Variants in MIS18A observed in about 807,000 individuals in gnomAD.
MIS18A encodes protein Mis18-alpha.
In MIS18A, 14 loss-of-function variants were observed where a neutral mutation model predicts 25.0. That is an observed-to-expected ratio of 0.56 (90% CI 0.37 to 0.88). The LOEUF (loss-of-function observed/expected upper bound fraction) is 0.88, where lower values mean the gene tolerates loss of function less well. MIS18A is among the 40% of genes least tolerant of loss of function. The probability of loss-of-function intolerance (pLI) is 0.00; values close to 1 mark genes in which losing one functional copy is unlikely to be tolerated. For missense variants in MIS18A, 292 were observed against 290.8 expected, an observed-to-expected ratio of 1.00 and a Z score of -0.03; for synonymous variants, 134 against 118.6, an observed-to-expected ratio of 1.13 and a Z score of -0.84.
At chr21:32,244,276 A>G in the MIS18A span, among the ~76,000 whole-genome samples, 4 of 152,196 alleles carry the variant, frequency 2.6e-5, no homozygotes, top group African/African-American at 7.2e-5. Context: ...AATTGACTCC[A>G]AAAGGGCACA....
chr21:32,241,984 C>T, the MIS18A span, among the ~76,000 whole-genome samples: 4 of 152,022 alleles, frequency 2.6e-5, no homozygotes, highest in African/African-American at 9.7e-5. Context: ...GTTCACGCCA[C>T]TCTCCTGCCT....
At chr21:32,195,981 C>T in the MIS18A span, among the ~76,000 whole-genome samples, 1 of 151,876 alleles carries the variant, frequency 6.6e-6, no homozygotes, top group African/African-American at 2.4e-5. Context: ...GATTGTTCCA[C>T]TGCACTCCAG....
the MIS18A span, among the ~76,000 whole-genome samples, chr21:32,163,927 A>G: frequency 1.3e-5 from 2 of 152,160 alleles, no homozygotes; most frequent in South Asian, 2.1e-4. Flanking sequence ...GTTTCTGGTG[A>G]GGCCTCAGGA....
the MIS18A span, among the ~76,000 whole-genome samples, chr21:32,226,882 A>T: frequency 1.1e-4 from 17 of 152,174 alleles, no homozygotes; most frequent in Non-Finnish European, 1.5e-4. Flanking sequence ...AAATACACAA[A>T]ATATGTTCTC....
the MIS18A span, among the ~76,000 whole-genome samples, chr21:32,211,226 A>T: frequency 6.6e-6 from 1 of 152,170 alleles, no homozygotes; most frequent in African/African-American, 2.4e-5. Flanking sequence ...TTTTTAGTAG[A>T]GATGGGGTTT....
chr21:32,160,649 CT>C, the MIS18A span, among the ~76,000 whole-genome samples: 43,832 of 144,148 alleles, frequency 0.3, 9,841 homozygotes, highest in African/African-American at 0.65. Flanking sequence ...TGGTTGCATT[CT>C]TTTTTTTTTT....
the MIS18A span, among the ~76,000 whole-genome samples, chr21:32,180,865 G>A: frequency 2.0e-5 from 3 of 152,164 alleles, no homozygotes; most frequent in Admixed American, 6.5e-5. Flanking sequence ...GGATCTTAGA[G>A]CAGGGGTCTA....
At chr21:32,188,565 G>T in the MIS18A span, among the ~76,000 whole-genome samples, 4 of 152,246 alleles carry the variant, frequency 2.6e-5, no homozygotes, top group Admixed American at 6.5e-5. Context: ...AAGAGAAAAT[G>T]AGGGTTATTC....
At chr21:32,172,922 G>C in the MIS18A span, among the ~76,000 whole-genome samples, 2 of 152,000 alleles carry the variant, frequency 1.3e-5, no homozygotes, top group Non-Finnish European at 2.9e-5. Flanking sequence ...ACAGAAGTTA[G>C]ATTCCAACCT....
At chr21:32,256,827 C>G in the MIS18A span, among the ~76,000 whole-genome samples, 20 of 152,152 alleles carry the variant, frequency 1.3e-4, no homozygotes, top group Non-Finnish European at 2.6e-4. Flanking sequence ...TTTCTTTTAA[C>G]CACCCATCTC....
the MIS18A span, among the ~76,000 whole-genome samples, chr21:32,174,459 T>C: frequency 6.6e-6 from 1 of 152,138 alleles, no homozygotes; most frequent in Non-Finnish European, 1.5e-5. Context: ...AGATGAACAC[T>C]ACCCATGGCA....
At chr21:32,218,115 C>T in the MIS18A span, among the ~76,000 whole-genome samples, 1 of 148,708 alleles carries the variant, frequency 6.7e-6, no homozygotes, top group Non-Finnish European at 1.5e-5. Flanking sequence ...ATGGCATGAA[C>T]CCAGGAGGCG....
At chr21:32,265,426 C>G (rs1471442481), downstream of MIS18A, among the ~76,000 whole-genome samples, 1 of 152,190 alleles carries the variant, frequency 6.6e-6, no homozygotes, top group Non-Finnish European at 1.5e-5. Context: ...GCACTTGGAG[C>G]AGCCAGCCAG....
the MIS18A span, among the ~76,000 whole-genome samples, chr21:32,263,198 A>G: frequency 2.3e-4 from 35 of 152,258 alleles, no homozygotes; most frequent in African/African-American, 8.4e-4. Flanking sequence ...AGAGCAAAAT[A>G]GATGTACATA....
the MIS18A span, among the ~76,000 whole-genome samples, chr21:32,220,799 G>A: frequency 6.6e-6 from 1 of 151,920 alleles, no homozygotes; most frequent in African/African-American, 2.4e-5. Context: ...ACATGATGGA[G>A]CTGAAAAACA....
the MIS18A span, among the ~76,000 whole-genome samples, chr21:32,216,194 T>G: frequency 6.6e-6 from 1 of 152,214 alleles, no homozygotes; most frequent in African/African-American, 2.4e-5. Flanking sequence ...TAGAAAGCTT[T>G]GTGGTATTTT....
At position 32,269,814 on chromosome 21, in the gene MIS18A, G is replaced by A; in HGVS notation, c.525-11C>T. The stretch of plus-strand genomic sequence containing the variant: ...GACCCTAAAACATAACTGAAGTACG[G>A]TACAAGGTTAAAATACAAGCTGGGT... On this transcript the variant is annotated splice_polypyrimidine_tract_variant and intron_variant, in intron 3 of 4. Coordinates refer to ENST00000290130, the MANE Select transcript of MIS18A (RefSeq NM_018944.3). The A allele has an allele frequency of 6.6e-7, 1 of 1,512,978 alleles. No homozygotes were observed. The highest frequency in any genetic ancestry group is 9.2e-7 in the Non-Finnish European group (1 of 1,088,432). The allele number at this position is 1,512,978 out of a possible 1,614,324, so 93.7% of individuals were successfully genotyped here.
chr21:32,165,385 T>G, the MIS18A span, among the ~76,000 whole-genome samples: 2 of 149,918 alleles, frequency 1.3e-5, no homozygotes, highest in African/African-American at 4.9e-5. Context: ...CAAAACTCAA[T>G]GTCATGAGTA....
the MIS18A span, among the ~76,000 whole-genome samples, chr21:32,239,784 A>C: frequency 2.0e-5 from 3 of 152,348 alleles, no homozygotes; most frequent in African/African-American, 7.2e-5. Flanking sequence ...AAACAAAGGA[A>C]GCTCAAACTC....
Sources: allele counts gnomAD v4.1 joint callset (sites outside exome capture counted in the v4.1 genomes callset), GRCh38; gene constraint gnomAD v4.1.1; transcripts MANE v1.5; gene names NCBI Gene and HGNC (gene_info 2026-07-23, HGNC 2026-07-21).